The following MYO16 variants were observed in gnomAD, a reference collection of about 807,000 sequenced individuals.
MYO16 encodes the protein unconventional myosin-XVI.
Under a neutral mutation model 205.3 loss-of-function variants are expected in MYO16, and 94 were observed. That is an observed-to-expected ratio of 0.46 (90% CI 0.39 to 0.54). The LOEUF is 0.54. Ranked by LOEUF, MYO16 falls within the 20% of genes least tolerant of loss-of-function variation. The pLI, the probability that MYO16 is intolerant of heterozygous loss-of-function variation, is 0.00. For synonymous variants in MYO16, 988 were observed against 954.0 expected (o/e 1.04, Z -0.66); for missense variants, 2,315 against 2,387.5 (o/e 0.97, Z 0.63).
At chr13:108,768,363 C>A (rs560151693) in intron 4 of MYO16, among the ~76,000 whole-genome samples, 106 of 152,228 alleles carry the variant, frequency 7.0e-4, no homozygotes, top group African/African-American at 2.4e-3. Flanking sequence ...ATGTAGGAAG[C>A]CTCACTTAGA....
At chr13:109,047,068 C>A (rs1887068885) in intron 24 of MYO16, 77 bp downstream of exon 24, 2 of 1,119,848 alleles carry the variant, frequency 1.8e-6, no homozygotes, top group African/African-American at 1.6e-5. Context: ...TGAATATTTT[C>A]CTAGAAAATA....
the MYO16 span, among the ~76,000 whole-genome samples, chr13:108,561,984 T>C: frequency 6.6e-6 from 1 of 152,218 alleles, no homozygotes. Context: ...CAATTAAACC[T>C]TCGAATTTTA....
intron 23 of MYO16, among the ~76,000 whole-genome samples, chr13:109,039,563 A>G (rs1886818796): frequency 6.6e-6 from 1 of 152,230 alleles, no homozygotes; most frequent in African/African-American, 2.4e-5. Flanking sequence ...AAATCTCTGT[A>G]TACTTGGAAA....
At chr13:109,099,902 A>T (rs1217349036) in intron 27 of MYO16, among the ~76,000 whole-genome samples, 2 of 152,222 alleles carry the variant, frequency 1.3e-5, no homozygotes, top group African/African-American at 4.8e-5. Context: ...TAGATGAAAC[A>T]CTAAGGTATT....
chr13:109,164,948 T>A lies in MYO16; in HGVS notation c.5212T>A (p.Ser1738Thr), dbSNP rs1382566542. Residue 1738 changes from serine to threonine, a missense_variant, in exon 33 of 35, where the codon TCA becomes ACA. Physicochemically the swap from Ser to Thr is moderately conservative, Grantham distance 58. Coordinates refer to ENST00000457511, the MANE Select transcript of MYO16 (RefSeq NM_001198950.3). ...NISSRDDPST[S>T]EITSETQDRN... ...AAGTAGCCGAGATGACCCTAGTACG[T>A]CAGAAATTACTTCCGAGACTCAAGA... 1 of 1,608,038 alleles carries A rather than the reference T, an allele frequency of 6.2e-7. No individual in the cohort carries two copies. Among genetic ancestry groups the A allele is most frequent in the African/African-American group, 1.3e-5 (1 of 74,696 alleles).
At chr13:109,176,589 A>AAAAAAAAAAAAAAAAAAAAT (rs1879195738) in intron 33 of MYO16, among the ~76,000 whole-genome samples, 1 of 147,858 alleles carries the variant, frequency 6.8e-6, no homozygotes, top group Non-Finnish European at 1.5e-5. Flanking sequence ...AAAAAAAAAA[A>AAAAAAAAAAAAAAAAAAAAT]AAAAAAAAAA....
intron 27 of MYO16, among the ~76,000 whole-genome samples, chr13:109,082,124 A>C (rs1888299756): frequency 6.6e-6 from 1 of 152,160 alleles, no homozygotes; most frequent in Non-Finnish European, 1.5e-5. Flanking sequence ...TCAACTTGGC[A>C]TTTGATATTT....
chr13:109,191,588 A>G (rs1377736717), intron 34 of MYO16, among the ~76,000 whole-genome samples: 1 of 152,146 alleles, frequency 6.6e-6, no homozygotes, highest in Admixed American at 6.6e-5. Flanking sequence ...TGCTGACGTC[A>G]GGGCAGAGTG....
chr13:108,652,154 TGCGCGCGCGC>T (rs137904962), intron 1 of MYO16, among the ~76,000 whole-genome samples: 3 of 150,988 alleles, frequency 2.0e-5, no homozygotes, highest in South Asian at 2.1e-4. Context: ...TGTGTGTGTG[TGCGCGCGCGC>T]GCATGTGTGC....
chr13:108,964,695 G>A lies in MYO16; in HGVS notation c.2228-66G>A, dbSNP rs1447514010. 4 of 1,545,008 alleles carry A rather than the reference G, an allele frequency of 2.6e-6. No individual in the cohort carries two copies. In the Admixed American group the frequency reaches 7.1e-5, roughly 28 times the overall value. ...GTGGGGAATTAATAGGATATGTGGA[G>A]TTTTGGTTGGCTTCTAAATGAGGGA... On this transcript the variant is annotated intron_variant, in intron 19 of 34. Coordinates refer to ENST00000457511, the MANE Select transcript of MYO16 (RefSeq NM_001198950.3).
At chr13:108,813,980 A>G (rs1887372776) in intron 7 of MYO16, among the ~76,000 whole-genome samples, 1 of 152,206 alleles carries the variant, frequency 6.6e-6, no homozygotes. Flanking sequence ...ACGAAAAGAA[A>G]GGAATTCCCC....
the MYO16 span, among the ~76,000 whole-genome samples, chr13:108,530,603 A>G: frequency 6.6e-6 from 1 of 152,232 alleles, no homozygotes; most frequent in Non-Finnish European, 1.5e-5. Flanking sequence ...GGCTCTGTGG[A>G]GACAGAATAT....
chr13:108,822,114 G>T (rs1205729733), intron 8 of MYO16, among the ~76,000 whole-genome samples: 1 of 152,020 alleles, frequency 6.6e-6, no homozygotes, highest in African/African-American at 2.4e-5. Context: ...GCAAATGAAA[G>T]TCGTCATCAG....
intron 2 of MYO16, among the ~76,000 whole-genome samples, chr13:108,711,279 C>T (rs1340277882): frequency 6.6e-6 from 1 of 152,220 alleles, no homozygotes; most frequent in African/African-American, 2.4e-5. Context: ...TACAAGTTTG[C>T]CACCTTTGAG....
chr13:109,132,222 A>C (rs1781333463), intron 31 of MYO16, among the ~76,000 whole-genome samples: 1 of 152,198 alleles, frequency 6.6e-6, no homozygotes, highest in Non-Finnish European at 1.5e-5. Context: ...AGCTTTTCTC[A>C]GGCAGCTCTA....
the MYO16 span, among the ~76,000 whole-genome samples, chr13:108,580,874 G>T: frequency 6.6e-6 from 1 of 152,150 alleles, no homozygotes; most frequent in African/African-American, 2.4e-5. Flanking sequence ...TAGCAATTCA[G>T]AAAATAACAT....
intron 16 of MYO16, among the ~76,000 whole-genome samples, chr13:108,927,170 A>G (rs1029465530): frequency 2.0e-5 from 3 of 152,176 alleles, no homozygotes; most frequent in African/African-American, 7.2e-5. Context: ...GCACAGGAAA[A>G]AACACACTTA....
intron 4 of MYO16, among the ~76,000 whole-genome samples, chr13:108,758,776 C>T (rs1885503924): frequency 6.6e-6 from 1 of 152,138 alleles, no homozygotes; most frequent in Non-Finnish European, 1.5e-5. Flanking sequence ...AGAATCATGT[C>T]ATCTTAAAGC....
At chr13:109,107,847 G>A (rs1480406337) in intron 28 of MYO16, among the ~76,000 whole-genome samples, 1 of 47,394 alleles carries the variant, frequency 2.1e-5, no homozygotes, top group Non-Finnish European at 4.9e-5. Context: ...TATTATATGT[G>A]TGTGTGTCTG....
Sources: gnomAD v4.1 joint callset for allele counts (sites outside exome capture counted in the v4.1 genomes callset) on GRCh38, gnomAD v4.1.1 for gene constraint, MANE v1.5 for transcripts, NCBI Gene and HGNC (gene_info 2026-07-23, HGNC 2026-07-21) for gene names.